FCAMR: variants seen among roughly 807,000 people sequenced by gnomAD.
The protein encoded by FCAMR is Fc alpha and mu receptor, also known as high affinity immunoglobulin alpha and immunoglobulin mu Fc receptor.
FCAMR carries 51 observed loss-of-function variants against 52.2 expected under a neutral mutation model. That is an observed-to-expected ratio of 0.98 (90% confidence interval 0.78 to 1.23). The LOEUF (loss-of-function observed/expected upper bound fraction) is 1.23, where lower values mean the gene tolerates loss of function less well. Among genes scored for constraint, FCAMR ranks in the 50% most tolerant of loss-of-function variants. FCAMR has a pLI of 0.00. For synonymous variants in FCAMR, 282 were observed against 262.0 expected, an observed-to-expected ratio of 1.08 and a Z score of -0.74; for missense variants, 719 against 712.6, an observed-to-expected ratio of 1.01 and a Z score of -0.10.
chr1:206,959,491 AG>A (rs1680404552), intron 7 of FCAMR, among the ~76,000 whole-genome samples, 187 bp downstream of exon 7: 1 of 149,738 alleles, frequency 6.7e-6, no homozygotes, highest in South Asian at 2.1e-4. Flanking sequence ...AAAAAAAAAA[AG>A]AAAAGAAAAG....
chr1:206,970,033 A>AC (rs1263903655), intron 1 of FCAMR, 54 bp downstream of exon 1: 5 of 1,606,662 alleles, frequency 3.1e-6, no homozygotes, highest in Non-Finnish European at 3.4e-6. Flanking sequence ...GCTGCAGTTC[A>AC]CCCCCCACAT....
In FCAMR at chr1:206,965,940, C is replaced by T. The variant is rs1303540200; in HGVS notation, c.170-82G>A. The T allele has an allele frequency of 1.9e-6, 3 of 1,587,956 alleles. 1 individual carries two copies. The highest frequency in any genetic ancestry group is 3.5e-5 in the Admixed American group (2 of 57,744). ...ACCTACAGAGGAAGAAGCAAACAGC[C>T]AGTTCCAAACCCCTGCCAGGCCAGA... On this transcript the variant is annotated intron_variant, in intron 3 of 7. Transcript: ENST00000324852.
At chr1:206,960,203 T>C in intron 6 of FCAMR, 1 of 566,472 alleles carries the variant, frequency 1.8e-6, no homozygotes, top group South Asian at 2.9e-5. Context: ...CTAAATATTG[T>C]CTTTCTATCA....
At chr1:206,960,146 C>T (rs1321112224) in intron 6 of FCAMR, 6 of 507,622 alleles carry the variant, frequency 1.2e-5, no homozygotes, top group Non-Finnish European at 2.1e-5. Flanking sequence ...CTCCGGAGCG[C>T]CTATTCTTTA....
At chr1:206,967,558 A>C in intron 2 of FCAMR, 25 bp downstream of exon 2, 1 of 1,611,728 alleles carries the variant, frequency 6.2e-7, no homozygotes. Context: ...AGGAATCTGC[A>C]AGGGGTTGTT....
intron 4 of FCAMR, among the ~76,000 whole-genome samples, chr1:206,964,902 GC>G: frequency 6.6e-6 from 1 of 152,280 alleles, no homozygotes; most frequent in Middle Eastern, 3.4e-3. Flanking sequence ...AGAGCATTAA[GC>G]CAAGTACCTT....
At chr1:206,966,941 G>C (rs1680734886) in intron 3 of FCAMR, 111 bp downstream of exon 3, 2 of 1,006,326 alleles carry the variant, frequency 2.0e-6, no homozygotes, top group Non-Finnish European at 3.1e-6. Flanking sequence ...TCTGAGCATG[G>C]TTTATACCTG....
At chr1:206,960,260 T>TCA in intron 6 of FCAMR, 162 bp downstream of exon 6, 1 of 683,330 alleles carries the variant, frequency 1.5e-6, no homozygotes, top group Non-Finnish European at 2.4e-6. Context: ...GGGAGCGTTC[T>TCA]CACAGCAAGG....
chr1:206,962,387 G>C lies in FCAMR; in HGVS notation c.478C>G (p.Gln160Glu), dbSNP rs1246482860. 1.2e-6 allele frequency: 2 copies of C among 1,614,214 alleles called. No homozygotes were observed. The highest frequency in any genetic ancestry group is 1.1e-5 in the South Asian group (1 of 91,082). Residue 160 changes from glutamine to glutamate, a missense_variant, in exon 5 of 8, where the codon CAG becomes GAG. Transcript: ENST00000324852. Reference protein sequence around the residue: ...WICQTIVSTNQYTHHRYRDRV... With the variant: ...WICQTIVSTNEYTHHRYRDRV... ...TCACGATAGCGATGGTGAGTATACT[G>C]GTTGGTGGACACAATGGTCTGGCAG... is the stretch of plus-strand genomic sequence containing the variant.
Position 206,970,166 on chromosome 1 carries a change from T to A in FCAMR, c.-41A>T. ...AGATCCAGGTGGACTTTTCTTCTCC[T>A]TATGAGATGCAGGTGTTTGGACGAC... On this transcript the variant is annotated 5_prime_UTR_variant, in exon 1 of 8. The change creates a new upstream start codon in the 5' untranslated region. Coordinates refer to ENST00000324852, the MANE Select transcript of FCAMR (RefSeq NM_001170631.2). The A allele has an allele frequency of 1.2e-6, 2 of 1,611,764 alleles. No individual in the cohort carries two copies. The highest frequency in any genetic ancestry group is 1.7e-6 in the Non-Finnish European group (2 of 1,178,090).
At chr1:206,959,008 A>G (rs1680377439) in intron 7 of FCAMR, 2 of 496,250 alleles carry the variant, frequency 4.0e-6, no homozygotes, top group Non-Finnish European at 8.2e-6. Flanking sequence ...CCAAAGGGGG[A>G]AAATGCGAGG....
At position 206,960,475 on chromosome 1, in the gene FCAMR, C is replaced by A; in HGVS notation, c.1401G>T (p.Gln467His). 3 of 1,544,166 alleles carry A rather than the reference C, an allele frequency of 1.9e-6. No individual in the cohort carries two copies. The highest frequency in any genetic ancestry group is 2.6e-6 in the Non-Finnish European group (3 of 1,143,292). The change falls in exon 6 of 8, where the codon CAG (glutamine) becomes CAT (histidine). Residue 467 changes from glutamine (Q) to histidine (H), a missense_variant. Gln to His is a conservative substitution (Grantham distance 24). Coordinates refer to ENST00000324852, the MANE Select transcript of FCAMR (RefSeq NM_001170631.2). ...GDRGPQATLS[Q>H]TPAVGPWGPP... ...GTCCCCAGGGTCCTACTGCCGGGGT[C>A]TGGCTCAGTGTTGCTTGGGGACCTC...
At chr1:206,963,635 G>A (rs1046821202) in intron 4 of FCAMR, among the ~76,000 whole-genome samples, 1 of 152,130 alleles carries the variant, frequency 6.6e-6, no homozygotes, top group African/African-American at 2.4e-5. Flanking sequence ...TGTCATGGAG[G>A]AGGGGGGCAT....
At chr1:206,967,711 G>C in intron 1 of FCAMR, 60 bp from the exon 2 acceptor site, 1 of 1,476,416 alleles carries the variant, frequency 6.8e-7, no homozygotes, top group Non-Finnish European at 9.5e-7. Flanking sequence ...CTGTTAGTAT[G>C]CCTCGGTTAG....
intron 1 of FCAMR, 79 bp downstream of exon 1, chr1:206,970,008 T>C (rs979896051): frequency 1.9e-6 from 3 of 1,561,846 alleles, no homozygotes; most frequent in African/African-American, 2.7e-5. Context: ...CTGAGGAGCA[T>C]GTGTGACAGC....
At position 206,960,921 on chromosome 1, in the gene FCAMR, T is replaced by A; in HGVS notation, c.955A>T (p.Met319Leu). ...CAAACACCTTCTGTTGTATTGGACATGCTTCTGCTCTTTGAAGGTGGACTC... is the reference window on the plus strand; with the variant it reads ...CAAACACCTTCTGTTGTATTGGACAAGCTTCTGCTCTTTGAAGGTGGACTC... Reference protein sequence around the residue: ...PESPPSKSRSMSNTTEGVWEG... With the variant: ...PESPPSKSRSLSNTTEGVWEG... Residue 319 changes from methionine (M) to leucine (L), a missense_variant, in exon 6 of 8, where the codon ATG becomes TTG. Coordinates refer to ENST00000324852, the MANE Select transcript of FCAMR (RefSeq NM_001170631.2). The A allele has an allele frequency of 6.4e-7, 1 of 1,552,374 alleles. No homozygotes were observed. The highest frequency in any genetic ancestry group is 8.7e-7 in the Non-Finnish European group (1 of 1,147,142).
At chr1:206,959,451 T>G (rs1373364972) in intron 7 of FCAMR, among the ~76,000 whole-genome samples, 1 of 139,484 alleles carries the variant, frequency 7.2e-6, no homozygotes, top group Non-Finnish European at 1.5e-5. Context: ...CACTCCAGCC[T>G]GGATGACAGA....
intron 3 of FCAMR, 72 bp from the exon 4 acceptor site, chr1:206,965,930 A>C: frequency 6.2e-7 from 1 of 1,602,022 alleles, no homozygotes; most frequent in Non-Finnish European, 8.5e-7. Context: ...CAGAGGAAGA[A>C]GCAAACAGCC....
intron 5 of FCAMR, 149 bp from the exon 6 acceptor site, chr1:206,961,372 A>C: frequency 1.6e-6 from 1 of 638,614 alleles, no homozygotes; most frequent in South Asian, 2.2e-5. Context: ...GATAAAATAA[A>C]AAATAGGAAA....
Sources: allele counts gnomAD v4.1 joint callset (sites outside exome capture counted in the v4.1 genomes callset), GRCh38; gene constraint gnomAD v4.1.1; transcripts MANE v1.5; gene names NCBI Gene and HGNC (gene_info 2026-07-23, HGNC 2026-07-21).